Variants in KCNH5 observed in about 807,000 individuals in gnomAD.
KCNH5 encodes voltage-gated delayed rectifier potassium channel KCNH5.
A neutral mutation model predicts 96.1 loss-of-function variants in KCNH5; 46 were observed. The ratio of observed to expected loss-of-function variants is 0.48; its 90% CI spans 0.38 to 0.61. The LOEUF (loss-of-function observed/expected upper bound fraction) is 0.61. Ranked by LOEUF, KCNH5 falls within the 20% of genes least tolerant of loss-of-function variation. The pLI, the probability that KCNH5 is intolerant of heterozygous loss-of-function variation, is 0.00. For synonymous variants in KCNH5, 439 were observed against 449.8 expected (o/e 0.98, Z 0.30); for missense variants, 907 against 1,225.8 (o/e 0.74, Z 3.88).
chr14:62,958,461 C>T (rs148741787), intron 6 of KCNH5, among the ~76,000 whole-genome samples: 43 of 152,210 alleles, frequency 2.8e-4, no homozygotes, highest in Non-Finnish European at 4.1e-4. Flanking sequence ...TTGTTATATT[C>T]CAAAACTTTC....
At chr14:63,016,319 A>G (rs908481949) in intron 2 of KCNH5, among the ~76,000 whole-genome samples, 15 of 152,082 alleles carry the variant, frequency 9.9e-5, no homozygotes, top group Non-Finnish European at 1.3e-4. Context: ...ATAATAATAT[A>G]AATGTCAGAT....
chr14:62,949,804 T>G (rs1178573450), intron 7 of KCNH5: 3 of 170,074 alleles, frequency 1.8e-5, no homozygotes, highest in Non-Finnish European at 3.2e-5. Flanking sequence ...CTATCTCTTT[T>G]TTTTTTTTTT....
intron 6 of KCNH5, among the ~76,000 whole-genome samples, chr14:62,966,332 G>C (rs111445011): frequency 2.6e-5 from 4 of 152,302 alleles, no homozygotes; most frequent in African/African-American, 9.6e-5. Context: ...CAAAAGGGCA[G>C]TATTAGCATC....
Position 63,045,175 on chromosome 14 carries a change from G to GC in KCNH5, c.11dup (p.Lys5GlnfsTer21), listed in dbSNP as rs769410349. 6.2e-7 allele frequency: 1 copy of GC among 1,613,354 alleles called. No homozygotes were observed. The highest frequency in any genetic ancestry group is 8.5e-7 in the Non-Finnish European group (1 of 1,179,958). ...TCTGCGGTGCCACCAGCCCTCTCTT[G>GC]CCCCCCGGCATCCTGGGTCTGGAGA... is the stretch of plus-strand genomic sequence containing the variant. On this transcript the variant is annotated frameshift_variant, in exon 1 of 11. Transcript: ENST00000322893. LOFTEE classifies it high-confidence loss of function.
intron 1 of KCNH5, 118 bp from the exon 2 acceptor site, chr14:63,017,072 G>A (rs1891340734): frequency 1.0e-6 from 1 of 960,048 alleles, no homozygotes; most frequent in South Asian, 2.1e-5. Flanking sequence ...GTTTGTAATT[G>A]TACAAATAAT....
At chr14:62,822,082 G>A (rs1231302531) in intron 8 of KCNH5, among the ~76,000 whole-genome samples, 1 of 152,122 alleles carries the variant, frequency 6.6e-6, no homozygotes, top group Non-Finnish European at 1.5e-5. Context: ...ATGGACAAGA[G>A]CTGTATCCTA....
chr14:62,872,912 A>G (rs1049422222), intron 7 of KCNH5, among the ~76,000 whole-genome samples: 5 of 152,184 alleles, frequency 3.3e-5, no homozygotes, highest in Non-Finnish European at 7.4e-5. Flanking sequence ...GCACTTTGGG[A>G]GGCCAAGGCT....
chr14:62,834,928 T>C (rs373333793), intron 8 of KCNH5, among the ~76,000 whole-genome samples: 1 of 152,048 alleles, frequency 6.6e-6, no homozygotes, highest in East Asian at 1.9e-4. Context: ...CCATAAAAGC[T>C]AAACTGTTTA....
At chr14:62,718,827 T>C (rs1008984223) in intron 10 of KCNH5, among the ~76,000 whole-genome samples, 6 of 152,166 alleles carry the variant, frequency 3.9e-5, no homozygotes, top group African/African-American at 4.8e-5. Context: ...AATTGATGAA[T>C]TGACAAAAAT....
At chr14:62,949,246 T>A (rs1447831335) in intron 7 of KCNH5, among the ~76,000 whole-genome samples, 1 of 152,230 alleles carries the variant, frequency 6.6e-6, no homozygotes, top group Non-Finnish European at 1.5e-5. Context: ...GACATGATTG[T>A]ATATCTAGAA....
At chr14:62,800,282 A>C (rs2139997943) in intron 9 of KCNH5, among the ~76,000 whole-genome samples, 1 of 152,242 alleles carries the variant, frequency 6.6e-6, no homozygotes, top group Admixed American at 6.5e-5. Flanking sequence ...AAAATAATAA[A>C]ATGTGACAGA....
chr14:63,027,279 G>A (rs1891541574), intron 1 of KCNH5, among the ~76,000 whole-genome samples: 1 of 151,854 alleles, frequency 6.6e-6, no homozygotes, highest in South Asian at 2.1e-4. Flanking sequence ...CTATATATCA[G>A]GTTAATGACA....
At chr14:63,006,048 A>G (rs1347376359) in intron 3 of KCNH5, among the ~76,000 whole-genome samples, 1 of 152,206 alleles carries the variant, frequency 6.6e-6, no homozygotes, top group Non-Finnish European at 1.5e-5. Flanking sequence ...AAATTAATAC[A>G]TGTATCTGTC....
At chr14:62,887,218 T>C (rs1008971037) in intron 7 of KCNH5, among the ~76,000 whole-genome samples, 2 of 152,192 alleles carry the variant, frequency 1.3e-5, no homozygotes, top group African/African-American at 4.8e-5. Context: ...TTCAGAGCAA[T>C]ACCAGTTTGT....
chr14:62,943,368 C>A (rs1889825181), intron 7 of KCNH5, among the ~76,000 whole-genome samples: 1 of 152,024 alleles, frequency 6.6e-6, no homozygotes, highest in South Asian at 2.1e-4. Flanking sequence ...TTATAGTCAT[C>A]AAAATAAATC....
At chr14:62,981,934 T>C (rs183673419) in intron 5 of KCNH5, among the ~76,000 whole-genome samples, 9 of 152,196 alleles carry the variant, frequency 5.9e-5, no homozygotes, top group African/African-American at 4.8e-5. Context: ...TAAGTTTATA[T>C]GAACCTTGAG....
At chr14:62,910,818 T>G (rs938256158) in intron 7 of KCNH5, among the ~76,000 whole-genome samples, 1 of 151,898 alleles carries the variant, frequency 6.6e-6, no homozygotes, top group African/African-American at 2.4e-5. Flanking sequence ...GATGTTCACA[T>G]GGCTCACTTT....
At chr14:62,815,306 A>C (rs1886955311) in intron 8 of KCNH5, among the ~76,000 whole-genome samples, 1 of 152,182 alleles carries the variant, frequency 6.6e-6, no homozygotes, top group African/African-American at 2.4e-5. Flanking sequence ...TGAAGAAGAC[A>C]TGGGATATAG....
chr14:62,736,531 A>G (rs1451727621), intron 10 of KCNH5, among the ~76,000 whole-genome samples: 1 of 152,218 alleles, frequency 6.6e-6, no homozygotes, highest in Admixed American at 6.5e-5. Context: ...TGCCGGCCCC[A>G]AGATAACCTC....
Sources: gnomAD v4.1 joint callset for allele counts (sites outside exome capture counted in the v4.1 genomes callset) on GRCh38, gnomAD v4.1.1 for gene constraint, MANE v1.5 for transcripts, NCBI Gene and HGNC (gene_info 2026-07-23, HGNC 2026-07-21) for gene names.